The following NLRP13 variants were observed in gnomAD, a reference collection of about 807,000 sequenced individuals.
The protein encoded by NLRP13 is NACHT, LRR and PYD domains-containing protein 13.
Under a neutral mutation model 94.4 loss-of-function variants are expected in NLRP13, and 82 were observed. That is an observed-to-expected ratio of 0.87 (90% CI 0.73 to 1.04). The LOEUF (loss-of-function observed/expected upper bound fraction) is 1.04, where lower values mean the gene tolerates loss of function less well. NLRP13 is among the 50% of genes least tolerant of loss of function. The pLI, the probability that NLRP13 is intolerant of heterozygous loss-of-function variation, is 0.00. For missense variants in NLRP13, 1,426 were observed against 1,230.8 expected, an observed-to-expected ratio of 1.16 and a Z score of -2.37; for synonymous variants, 553 against 464.7, an observed-to-expected ratio of 1.19 and a Z score of -2.45.
Position 55,898,866 on chromosome 19 carries a change from A to C in NLRP13, c.2861T>G (p.Val954Gly). The C allele has an allele frequency of 6.2e-7, 1 of 1,614,098 alleles. No individual in the cohort carries two copies. Residue 954 changes from valine (V) to glycine (G), a missense_variant, in exon 10 of 11, where the codon GTG becomes GGG. Coordinates refer to ENST00000342929, the MANE Select transcript of NLRP13 (RefSeq NM_176810.2). ...LANALSHNHN[V>G]KILDLGENDL... ...ATTTTCTCCCAAATCCAAGATTTTC[A>C]CATTATGATTATGGCTGAGGGCATT...
intron 9 of NLRP13, 60 bp from the exon 10 acceptor site, chr19:55,898,997 T>G: frequency 6.6e-7 from 1 of 1,521,908 alleles, no homozygotes; most frequent in Non-Finnish European, 8.9e-7. Context: ...CTGTGCTGTG[T>G]TTACAACTGC....
At chr19:55,898,040 G>T (rs1986060502) in intron 10 of NLRP13, among the ~76,000 whole-genome samples, 1 of 152,140 alleles carries the variant, frequency 6.6e-6, no homozygotes, top group Admixed American at 6.5e-5. Context: ...TCACAGTGGG[G>T]AGCAGGCTGC....
chr19:55,909,418 C>T lies in NLRP13; in HGVS notation c.2282+1145G>A, dbSNP rs1818549934. On this transcript the variant is annotated intron_variant, in intron 6 of 10. Coordinates refer to ENST00000342929, the MANE Select transcript of NLRP13 (RefSeq NM_176810.2). Reference sequence around the variant, plus strand: ...CACATACTTTTTCCCTTTTCTGCAGCTCATGTTTCTCCCTAATTCATCCCA... The same window carrying T: ...CACATACTTTTTCCCTTTTCTGCAGTTCATGTTTCTCCCTAATTCATCCCA... Among the ~76,000 whole-genome samples, 11 of 152,212 alleles carry T rather than the reference C, an allele frequency of 7.2e-5. 1 individual carries two copies. In the South Asian group the frequency reaches 2.3e-3, roughly 32 times the overall value.
At position 55,917,737 on chromosome 19, in the gene NLRP13, A is replaced by G. The variant is rs185085130; in HGVS notation, c.524-4444T>C. 8.0e-5 allele frequency among the ~76,000 whole-genome samples: 11 copies of G among 136,966 alleles called. No individual in the cohort carries two copies. In the East Asian group the frequency reaches 2.0e-3, roughly 25 times the overall value. The allele number at this position is 136,966 out of a possible 152,430, so 89.9% of individuals were successfully genotyped here. Reference sequence around the variant, plus strand: ...TCAAGAAGATATAATAATCCTAAACATATATACATCCATACCAGAGTACCT... The same window carrying G: ...TCAAGAAGATATAATAATCCTAAACGTATATACATCCATACCAGAGTACCT... On this transcript the variant is annotated intron_variant, in intron 4 of 10. Transcript: ENST00000342929.
At chr19:55,931,309 C>T (rs927886126) in intron 1 of NLRP13, among the ~76,000 whole-genome samples, 2 of 152,002 alleles carry the variant, frequency 1.3e-5, no homozygotes, top group Non-Finnish European at 2.9e-5. Context: ...GTTGTGGTTT[C>T]TTAGTGTTTC....
chr19:55,931,436 C>T (rs1035062870), intron 1 of NLRP13, among the ~76,000 whole-genome samples: 3 of 151,860 alleles, frequency 2.0e-5, no homozygotes, highest in African/African-American at 4.8e-5. Context: ...GGGCTGGGCG[C>T]GGTGGCTCAC....
In NLRP13 at chr19:55,896,128, G is replaced by A. The variant is rs201385737; in HGVS notation, c.2958-9C>T. The A allele has an allele frequency of 1.3e-4, 212 of 1,613,538 alleles. No individual in the cohort carries two copies. The highest frequency in any genetic ancestry group is 1.7e-4 in the Non-Finnish European group (197 of 1,179,738). ...GATTGCATTTCGCCAACCTAGGGGC[G>A]GGTGGGAAGAAAGCACAACAGATAG... is the stretch of plus-strand genomic sequence containing the variant. On this transcript the variant is annotated splice_polypyrimidine_tract_variant and intron_variant, in intron 10 of 10. Transcript: ENST00000342929.
chr19:55,904,908 G>A, intron 8 of NLRP13, 34 bp downstream of exon 8: 1 of 1,582,890 alleles, frequency 6.3e-7, no homozygotes, highest in Non-Finnish European at 8.7e-7. Flanking sequence ...TGCCCATAGA[G>A]TCATATCTAG....
chr19:55,927,613 C>G (rs984492138), intron 1 of NLRP13, among the ~76,000 whole-genome samples: 6 of 151,980 alleles, frequency 3.9e-5, no homozygotes, highest in African/African-American at 1.5e-4. Flanking sequence ...TACTGCTGGC[C>G]AGGCACCATG....
At chr19:55,902,339 C>T (rs978822883) in intron 8 of NLRP13, 134 bp from the exon 9 acceptor site, 4 of 682,900 alleles carry the variant, frequency 5.9e-6, no homozygotes, top group African/African-American at 1.8e-5. Flanking sequence ...TTCTTTTTAG[C>T]TGGACACCGA....
At chr19:55,915,094 G>A (rs2123128986) in intron 4 of NLRP13, among the ~76,000 whole-genome samples, 1 of 152,312 alleles carries the variant, frequency 6.6e-6, no homozygotes, top group South Asian at 2.1e-4. Flanking sequence ...AGGGTACAAA[G>A]TTTCAGGTAG....
At chr19:55,929,542 G>A (rs1047806661) in intron 1 of NLRP13, among the ~76,000 whole-genome samples, 9 of 152,232 alleles carry the variant, frequency 5.9e-5, no homozygotes, top group Non-Finnish European at 8.8e-5. Flanking sequence ...ACCAAACACC[G>A]CATGTTCTCA....
chr19:55,923,351 CTTT>C (rs1568445526), intron 4 of NLRP13, among the ~76,000 whole-genome samples: 1 of 152,114 alleles, frequency 6.6e-6, no homozygotes, highest in African/African-American at 2.4e-5. Context: ...GGTTGCAAAG[CTTT>C]GGGGAAGAAT....
At chr19:55,925,068 T>C in intron 1 of NLRP13, 33 bp from the exon 2 acceptor site, 1 of 1,593,982 alleles carries the variant, frequency 6.3e-7, no homozygotes, top group African/African-American at 1.3e-5. Context: ...CATATGAGAA[T>C]ACCCAGACTG....
At chr19:55,893,804 A>C (rs1322556413), downstream of NLRP13, among the ~76,000 whole-genome samples, 1 of 152,218 alleles carries the variant, frequency 6.6e-6, no homozygotes, top group Admixed American at 6.5e-5. Flanking sequence ...ACCCAGTCAG[A>C]AGCCCCTTCT....
At position 55,912,009 on chromosome 19, in the gene NLRP13, G is replaced by A. The variant is rs753384797; in HGVS notation, c.1808C>T (p.Thr603Ile). The change falls in exon 5 of 11, where the codon ACT becomes ATT. Residue 603 changes from threonine to isoleucine, a missense_variant. Thr to Ile is a moderately conservative substitution (Grantham distance 89, BLOSUM62 -1). Coordinates refer to ENST00000342929, the MANE Select transcript of NLRP13 (RefSeq NM_176810.2). ...NKNIARELED[T>I]LHCKISPRVM... ...CCTGGGAGATATTTTACAATGCAAA[G>A]TATCTTCCAGTTCTCTTGCTATGTT... 38 of 1,613,860 alleles carry A rather than the reference G, an allele frequency of 2.4e-5. 2 individuals carry two copies. The South Asian group carries it at 4.0e-4, about 17-fold the overall frequency.
At chr19:55,928,115 T>C (rs1288286176) in intron 1 of NLRP13, among the ~76,000 whole-genome samples, 1 of 152,178 alleles carries the variant, frequency 6.6e-6, no homozygotes, top group African/African-American at 2.4e-5. Context: ...CAGGGCTTTC[T>C]CCTACTTGAG....
rs1986536224 is a variant in NLRP13, at chr19:55,912,175, A to G, written c.1642T>C (p.Phe548Leu). Reference protein sequence around the residue: ...SFQEFFAAMSFVLEEPREFPP... With the variant: ...SFQEFFAAMSLVLEEPREFPP... ...AATTCTCTAGGTTCCTCTAGCACAA[A>G]GGACATGGCTGCAAAAAACTCCTGG... Residue 548 changes from phenylalanine (F) to leucine (L), a missense_variant, in exon 5 of 11, where the codon TTT becomes CTT. Coordinates refer to ENST00000342929, the MANE Select transcript of NLRP13 (RefSeq NM_176810.2). The G allele has an allele frequency of 6.2e-7, 1 of 1,614,080 alleles. No homozygotes were observed. The highest frequency in any genetic ancestry group is 1.1e-5 in the South Asian group (1 of 91,084).
Position 55,898,781 on chromosome 19 carries a change from C to G in NLRP13, c.2946G>C (p.Leu982Phe), listed in dbSNP as rs1057452198. 3.1e-6 allele frequency: 5 copies of G among 1,607,514 alleles called. No individual in the cohort carries two copies. The highest frequency in any genetic ancestry group is 4.2e-6 in the Non-Finnish European group (5 of 1,177,252). Reference protein sequence around the residue: ...LCEALKPHRALHTLGLAKCNL... With the variant: ...LCEALKPHRAFHTLGLAKCNL... ...CAGCATCAACTCACCCAAGTGTGTGCAATGCACGATGTGGTTTCAGAGCCT... is the reference window on the plus strand; with the variant it reads ...CAGCATCAACTCACCCAAGTGTGTGGAATGCACGATGTGGTTTCAGAGCCT... The change falls in exon 10 of 11, where the codon TTG becomes TTC. Residue 982 changes from leucine (L) to phenylalanine (F), a missense_variant. Coordinates refer to ENST00000342929, the MANE Select transcript of NLRP13 (RefSeq NM_176810.2).
Sources: gnomAD v4.1 joint callset for allele counts (sites outside exome capture counted in the v4.1 genomes callset) on GRCh38, gnomAD v4.1.1 for gene constraint, MANE v1.5 for transcripts, NCBI Gene and HGNC (gene_info 2026-07-23, HGNC 2026-07-21) for gene names.